SPTLC2: variants seen among roughly 807,000 people sequenced by gnomAD.
The protein encoded by SPTLC2 is serine palmitoyltransferase 2.
In SPTLC2, 21 loss-of-function variants were observed where a neutral mutation model predicts 62.0. The ratio of observed to expected loss-of-function variants is 0.34; its 90% confidence interval spans 0.24 to 0.49. The LOEUF (loss-of-function observed/expected upper bound fraction) is 0.49, where lower values mean the gene tolerates loss of function less well. SPTLC2 is among the 20% of genes least tolerant of loss of function. The pLI is 0.99. For synonymous variants in SPTLC2, 261 were observed against 261.8 expected, an observed-to-expected ratio of 1.00 and a Z score of 0.03; for missense variants, 511 against 713.0, an observed-to-expected ratio of 0.72 and a Z score of 3.23.
In SPTLC2 at chr14:77,558,051, C is replaced by CTTT. The variant is rs34550215; in HGVS notation, c.851-908_851-906dup. Reference sequence around the variant, plus strand: ...GGTGGGAGACATCCTATCATAAAATCTTTTTTTTTTTTTTGAGATGGAGTC... The same window carrying CTTT: ...GGTGGGAGACATCCTATCATAAAATCTTTTTTTTTTTTTTTTTGAGATGGAGTC... On this transcript the variant is annotated intron_variant, in intron 6 of 11. Coordinates refer to ENST00000216484, the MANE Select transcript of SPTLC2 (RefSeq NM_004863.4). 9.7e-5 allele frequency among the ~76,000 whole-genome samples: 14 copies of CTTT among 144,854 alleles called. No individual in the cohort carries two copies. In the South Asian group the frequency reaches 1.8e-3, roughly 18 times the overall value.
Position 77,540,229 on chromosome 14 carries a change from T to G in SPTLC2, c.1303+11867A>C, listed in dbSNP as rs1292783175. Among the ~76,000 whole-genome samples the G allele has an allele frequency of 6.5e-4, 82 of 126,840 alleles. 1 individual carries two copies. The highest frequency in any genetic ancestry group is 8.1e-3 in the Middle Eastern group (2 of 246). The allele number at this position is 126,840 out of a possible 152,430, so 83.2% of individuals were successfully genotyped here. A position where few individuals can be genotyped will look rare whatever the true frequency, so the allele number is the denominator to read the frequency against. ...TCAAAAAAAAAAAAAAAAAAAAAAGTAATAAGAAGGTCCTCTGGATATGTT... is the reference window on the plus strand; with the variant it reads ...TCAAAAAAAAAAAAAAAAAAAAAAGGAATAAGAAGGTCCTCTGGATATGTT... On this transcript the variant is annotated intron_variant, in intron 9 of 11. Coordinates refer to ENST00000216484, the MANE Select transcript of SPTLC2 (RefSeq NM_004863.4).
At chr14:77,600,984 CAT>C (rs113289197) in intron 1 of SPTLC2, among the ~76,000 whole-genome samples, 5,524 of 152,202 alleles carry the variant, frequency 0.036, 328 homozygotes, top group African/African-American at 0.12. Context: ...AAAGATAAGC[CAT>C]ATGTGTAATA....
intron 9 of SPTLC2, among the ~76,000 whole-genome samples, chr14:77,542,435 G>C (rs2079506423): frequency 6.6e-6 from 1 of 152,122 alleles, no homozygotes; most frequent in African/African-American, 2.4e-5. Context: ...ATAAGCAAAG[G>C]CATTTTCGTG....
At chr14:77,540,205 CAAAAAA>C (rs34847653) in intron 9 of SPTLC2, among the ~76,000 whole-genome samples, 6 of 87,716 alleles carry the variant, frequency 6.8e-5, no homozygotes, top group Admixed American at 1.3e-4. Flanking sequence ...ACTCTTGTCT[CAAAAAA>C]AAAAAAAAAA....
At chr14:77,573,492 A>G (rs61239173) in intron 4 of SPTLC2, among the ~76,000 whole-genome samples, 4 of 117,904 alleles carry the variant, frequency 3.4e-5, no homozygotes, top group Non-Finnish European at 6.9e-5. Flanking sequence ...ATTTTTACAA[A>G]GATTTTAAAA....
At chr14:77,596,125 C>T (rs1438250743) in intron 2 of SPTLC2, among the ~76,000 whole-genome samples, 1 of 152,076 alleles carries the variant, frequency 6.6e-6, no homozygotes, top group Non-Finnish European at 1.5e-5. Context: ...ATCACAAGGT[C>T]AGGAGATTGA....
At chr14:77,581,202 A>C (rs994098546) in intron 2 of SPTLC2, among the ~76,000 whole-genome samples, 161 of 152,302 alleles carry the variant, frequency 1.1e-3, no homozygotes, top group African/African-American at 3.8e-3. Context: ...ATCAGTCAAA[A>C]ACATTGAAAA....
chr14:77,586,929 T>C (rs537229321), intron 2 of SPTLC2, among the ~76,000 whole-genome samples: 1 of 152,236 alleles, frequency 6.6e-6, no homozygotes, highest in South Asian at 2.1e-4. Context: ...AGTAAAGAGA[T>C]GTGGAACAAT....
At chr14:77,521,400 G>A (rs1437466139) in intron 10 of SPTLC2, 46 bp downstream of exon 10, 21 of 1,613,358 alleles carry the variant, frequency 1.3e-5, no homozygotes, top group Admixed American at 5.0e-5. Flanking sequence ...TCACATCACA[G>A]ATAAGGATAA....
At chr14:77,540,556 C>A (rs1207179576) in intron 9 of SPTLC2, among the ~76,000 whole-genome samples, 2 of 152,048 alleles carry the variant, frequency 1.3e-5, no homozygotes. Flanking sequence ...CTTACTGCAA[C>A]CTCTGCTTCC....
At chr14:77,520,669 G>GT (rs2079381119) in intron 10 of SPTLC2, among the ~76,000 whole-genome samples, 2 of 152,260 alleles carry the variant, frequency 1.3e-5, no homozygotes, top group South Asian at 4.1e-4. Flanking sequence ...ATGTCTTCTG[G>GT]TTTCATTATA....
intron 7 of SPTLC2, among the ~76,000 whole-genome samples, chr14:77,556,312 T>TA (rs201879208): frequency 0.043 from 6,198 of 145,132 alleles, 139 homozygotes; most frequent in Middle Eastern, 0.096. Context: ...GATTCCATCT[T>TA]AAAAAAAAAG....
At chr14:77,542,867 C>G (rs553246229) in intron 9 of SPTLC2, among the ~76,000 whole-genome samples, 4 of 152,248 alleles carry the variant, frequency 2.6e-5, no homozygotes, top group African/African-American at 9.6e-5. Context: ...GGATGTATGA[C>G]AAGCAGCAGG....
intron 11 of SPTLC2, among the ~76,000 whole-genome samples, chr14:77,515,706 T>A (rs2079355532): frequency 6.6e-6 from 1 of 152,016 alleles, no homozygotes; most frequent in South Asian, 2.1e-4. Context: ...CCCCCCACCA[T>A]GCCTGGCTAA....
intron 11 of SPTLC2, among the ~76,000 whole-genome samples, chr14:77,517,684 G>C (rs1430654348): frequency 1.3e-5 from 2 of 152,232 alleles, no homozygotes; most frequent in Non-Finnish European, 2.9e-5. Context: ...TGTGAAGAAT[G>C]AGTGGCAGTC....
At chr14:77,568,836 T>A (rs2079661320) in intron 5 of SPTLC2, among the ~76,000 whole-genome samples, 1 of 143,058 alleles carries the variant, frequency 7.0e-6, no homozygotes, top group African/African-American at 2.5e-5. Flanking sequence ...GAGAGAGGGG[T>A]TAATGTCTCT....
chr14:77,555,382 A>T lies in SPTLC2; in HGVS notation c.1094T>A (p.Leu365Gln). ...CATAACATCCACATCCTCGGGATCC[A>T]GGCCAAAGTACTCCACCACACCCCG... ...TGRGVVEYFG[L>Q]DPEDVDVMMG... The change falls in exon 8 of 12, where the codon CTG (leucine) becomes CAG (glutamine). Residue 365 changes from leucine to glutamine, a missense_variant. Leu to Gln is a moderately radical substitution (Grantham distance 113, BLOSUM62 -2). Coordinates refer to ENST00000216484, the MANE Select transcript of SPTLC2 (RefSeq NM_004863.4). 1 of 1,614,128 alleles carries T rather than the reference A, an allele frequency of 6.2e-7. No homozygotes were observed. Among genetic ancestry groups the T allele is most frequent in the East Asian group, 2.2e-5 (1 of 44,864 alleles).
chr14:77,518,481 C>T (rs2139993204), intron 10 of SPTLC2, among the ~76,000 whole-genome samples: 1 of 151,836 alleles, frequency 6.6e-6, no homozygotes, highest in South Asian at 2.1e-4. Context: ...CCTGTAGTCC[C>T]AGCTACTCAG....
chr14:77,525,662 G>A lies in SPTLC2; in HGVS notation c.1304-4081C>T, dbSNP rs10151175. ...ATGGTGGCTCACGCCTGTAATCCCA[G>A]CACTTTGGGAGGCTGAAGCGGGCGG... On this transcript the variant is annotated intron_variant, in intron 9 of 11. Coordinates refer to ENST00000216484, the MANE Select transcript of SPTLC2 (RefSeq NM_004863.4). Among the ~76,000 whole-genome samples the A allele has an allele frequency of 5.6e-3, 851 of 152,210 alleles. 8 individuals carry two copies. The highest frequency in any genetic ancestry group is 0.019 in the African/African-American group (802 of 41,546).
Sources: allele counts gnomAD v4.1 joint callset (sites outside exome capture counted in the v4.1 genomes callset), GRCh38; gene constraint gnomAD v4.1.1; transcripts MANE v1.5; gene names NCBI Gene and HGNC (gene_info 2026-07-23, HGNC 2026-07-21).